TAP2: variants seen among roughly 807,000 people sequenced by gnomAD.
TAP2 encodes transporter 2, ATP binding cassette subfamily B member, also known as antigen peptide transporter 2.
In TAP2, 49 loss-of-function variants were observed where a neutral mutation model predicts 74.7. That is an observed-to-expected ratio of 0.66 (90% confidence interval 0.52 to 0.83). TAP2 has a LOEUF of 0.83. Ranked by LOEUF, TAP2 falls within the 40% of genes least tolerant of loss-of-function variation. The probability of loss-of-function intolerance (pLI) is 0.00; values close to 1 mark genes in which losing one functional copy is unlikely to be tolerated. For missense variants in TAP2, 739 were observed against 859.0 expected (o/e 0.86, Z 1.75); for synonymous variants, 306 against 368.4 (o/e 0.83, Z 1.94).
chr6:32,823,086 A>C (rs763512932), downstream of TAP2, among the ~76,000 whole-genome samples: 1 of 151,750 alleles, frequency 6.6e-6, no homozygotes, highest in Non-Finnish European at 1.5e-5. Context: ...CACCCAGCTA[A>C]TTTTTGTATT....
In TAP2 at chr6:32,825,697, A is replaced by G. The variant is rs1446050394; in HGVS notation, c.*3209T>C. On this transcript the variant is annotated 3_prime_UTR_variant, in exon 12 of 12. Transcript: ENST00000374897. ...CCACATTCATATATTGCTTATTTAA[A>G]TAAATAAATAATATATTTTAAAAAG... 1 of 151,310 alleles carries G rather than the reference A, an allele frequency of 6.6e-6. No homozygotes were observed. Among genetic ancestry groups the G allele is most frequent in the African/African-American group, 2.5e-5 (1 of 40,692 alleles). The allele number at this position is 151,310 out of a possible 1,614,324, so 9.4% of individuals were successfully genotyped here.
chr6:32,828,679 C>CCCCCCCCCCCCCCCCCCCACCA lies in TAP2; in HGVS notation c.*226_*227insTGGTGGGGGGGGGGGGGGGGGG. 2.1e-6 allele frequency: 2 copies of CCCCCCCCCCCCCCCCCCCACCA among 948,134 alleles called. No homozygotes were observed. The highest frequency in any genetic ancestry group is 2.5e-6 in the Non-Finnish European group (2 of 788,686). 58.7% of individuals were successfully genotyped at this position (948,134 alleles called of 1,614,324 possible). A position where few individuals can be genotyped will look rare whatever the true frequency, so the allele number is the denominator to read the frequency against. ...TAAGTTTCCTGGACACAGACAGCCC[C>CCCCCCCCCCCCCCCCCCCACCA]CACCCCACCCCACCCCACCTCTCTA... On this transcript the variant is annotated 3_prime_UTR_variant, in exon 12 of 12. Coordinates refer to ENST00000374897, the MANE Select transcript of TAP2 (RefSeq NM_001290043.2).
At chr6:32,834,861 T>C in intron 5 of TAP2, among the ~76,000 whole-genome samples, 1 of 152,202 alleles carries the variant, frequency 6.6e-6, no homozygotes, top group East Asian at 1.9e-4. Flanking sequence ...TTTGAGAAGC[T>C]AATGAAAAGT....
At chr6:32,821,957 G>C (rs1435373058), downstream of TAP2, 1 of 280,392 alleles carries the variant, frequency 3.6e-6, no homozygotes, top group Non-Finnish European at 6.7e-6. Context: ...AACATGAGGG[G>C]AAGGGGCTGG....
rs1309375315 is a variant in TAP2 at position 32,832,954 on chromosome 6, CTCT to C, written c.946-133_946-131del. Reference sequence around the variant, plus strand: ...AAACTGTTTCTCTCCCTCTTCCTTACTCTTCTTTCCAGAAGGAATAAGAGTGAA... The same window carrying C: ...AAACTGTTTCTCTCCCTCTTCCTTACTCTTTCCAGAAGGAATAAGAGTGAA... On this transcript the variant is annotated intron_variant, in intron 5 of 11. Coordinates refer to ENST00000374897, the MANE Select transcript of TAP2 (RefSeq NM_001290043.2). The surrounding 1 kb of genome is among the most constrained non-coding windows in gnomAD (Gnocchi z 5.9). 1 of 1,023,312 alleles carries C rather than the reference CTCT, an allele frequency of 9.8e-7. No individual in the cohort carries two copies. Among genetic ancestry groups the C allele is most frequent in the Non-Finnish European group, 1.5e-6 (1 of 680,576 alleles). The allele number at this position is 1,023,312 out of a possible 1,614,324, so 63.4% of individuals were successfully genotyped here.
chr6:32,827,116 G>A lies in TAP2; in HGVS notation c.*1790C>T. 1.0e-6 allele frequency: 1 copy of A among 985,730 alleles called. No homozygotes were observed. The highest frequency in any genetic ancestry group is 1.2e-6 in the Non-Finnish European group (1 of 829,940). 61.1% of individuals were successfully genotyped at this position (985,730 alleles called of 1,614,324 possible). A position where few individuals can be genotyped will look rare whatever the true frequency, so the allele number is the denominator to read the frequency against. Reference sequence around the variant, plus strand: ...GCACCCTGCTCCCAACAGCTGCCAGGCAAGAAAAAATCCAAAACAGCAGTT... The same window carrying A: ...GCACCCTGCTCCCAACAGCTGCCAGACAAGAAAAAATCCAAAACAGCAGTT... On this transcript the variant is annotated 3_prime_UTR_variant, in exon 12 of 12. Transcript: ENST00000374897.
downstream of TAP2, among the ~76,000 whole-genome samples, chr6:32,822,825 C>G (rs1768377794): frequency 6.6e-6 from 1 of 151,992 alleles, no homozygotes; most frequent in Non-Finnish European, 1.5e-5. Flanking sequence ...GCCACTGCAC[C>G]CGGCCTCTAT....
rs1769316570 is a variant in TAP2 at position 32,835,014 on chromosome 6, T to C, written c.945+140A>G. On this transcript the variant is annotated intron_variant, in intron 5 of 11. Coordinates refer to ENST00000374897, the MANE Select transcript of TAP2 (RefSeq NM_001290043.2). The surrounding 1 kb of genome is among the most constrained non-coding windows in gnomAD (Gnocchi z 4.0). The stretch of plus-strand genomic sequence containing the variant: ...GGATGGCTGGACAAACAAAATGTAG[T>C]ATATACTACAATATACCTTCTCCCC... 3 of 857,884 alleles carry C rather than the reference T, an allele frequency of 3.5e-6. No individual in the cohort carries two copies. Among genetic ancestry groups the C allele is most frequent in the Non-Finnish European group, 5.7e-6 (3 of 523,808 alleles). The allele number at this position is 857,884 out of a possible 1,614,324, so 53.1% of individuals were successfully genotyped here.
downstream of TAP2, among the ~76,000 whole-genome samples, chr6:32,823,205 T>C (rs57654360): frequency 0.1 from 15,581 of 152,100 alleles, 1,216 homozygotes; most frequent in African/African-American, 0.22. Flanking sequence ...CAGGCATGAA[T>C]CACCAGGCCC....
At chr6:32,838,271 G>A in intron 1 of TAP2, 34 bp from the exon 2 acceptor site, 1 of 1,526,668 alleles carries the variant, frequency 6.6e-7, no homozygotes, top group Non-Finnish European at 8.7e-7. Flanking sequence ...AATCATGGGG[G>A]TGGAGTCCCA....
At chr6:32,836,900 C>T (rs149029273) in intron 3 of TAP2, among the ~76,000 whole-genome samples, 237 of 152,266 alleles carry the variant, frequency 1.6e-3, no homozygotes, top group African/African-American at 5.0e-3. Flanking sequence ...ACAATCAGGC[C>T]GGCTGGGATT....
rs926467842 is a variant in TAP2 at position 32,832,975 on chromosome 6, A to C, written c.946-151T>G. The C allele has an allele frequency of 3.2e-5, 29 of 905,178 alleles. 1 individual carries two copies. The highest frequency in any genetic ancestry group is 3.3e-4 in the Middle Eastern group (1 of 3,056). 56.1% of individuals were successfully genotyped at this position (905,178 alleles called of 1,614,324 possible). On this transcript the variant is annotated intron_variant, in intron 5 of 11. Coordinates refer to ENST00000374897, the MANE Select transcript of TAP2 (RefSeq NM_001290043.2). This position sits in a 1 kb window ranked among gnomAD's most constrained non-coding sequence, Gnocchi z 5.9. ...CTTACTCTTCTTTCCAGAAGGAATA[A>C]GAGTGAAGGAGCAAGGGAACAAAAT...
chr6:32,823,429 ATTTTTTTTT>A (rs9280195), downstream of TAP2, among the ~76,000 whole-genome samples: 3 of 64,570 alleles, frequency 4.6e-5, no homozygotes, highest in Non-Finnish European at 8.2e-5. Context: ...GTCACACTCA[ATTTTTTTTT>A]TTTTTTTTTT....
chr6:32,828,564 G>C lies in TAP2; in HGVS notation c.*342C>G. The C allele has an allele frequency of 9.9e-7, 1 of 1,011,170 alleles. No homozygotes were observed. Among genetic ancestry groups the C allele is most frequent in the Non-Finnish European group, 1.2e-6 (1 of 842,794 alleles). The allele number at this position is 1,011,170 out of a possible 1,614,324, so 62.6% of individuals were successfully genotyped here. A position where few individuals can be genotyped will look rare whatever the true frequency, so the allele number is the denominator to read the frequency against. The stretch of plus-strand genomic sequence containing the variant: ...TAAATTTTCTATATGAATGTATACA[G>C]TTCATGTAAGAAGGAAAATATTTTA... On this transcript the variant is annotated 3_prime_UTR_variant, in exon 12 of 12. Coordinates refer to ENST00000374897, the MANE Select transcript of TAP2 (RefSeq NM_001290043.2).
rs759115387 is a variant in TAP2, at chr6:32,832,743, G to T, written c.1027C>A (p.Arg343Ser). Residue 343 changes from arginine to serine, a missense_variant, in exon 6 of 12, where the codon CGC becomes AGC. Coordinates refer to ENST00000374897, the MANE Select transcript of TAP2 (RefSeq NM_001290043.2). This position sits in a 1 kb window ranked among gnomAD's most constrained non-coding sequence, Gnocchi z 5.9. ...REAVGGLQTV[R>S]SFGAEEHEVC... ...TCATGCTCCTCGGCCCCAAAACTGC[G>T]AACGGTCTGCAGCCCTCCAACGGCT... The T allele has an allele frequency of 3.1e-6, 5 of 1,613,060 alleles. No individual in the cohort carries two copies. Among genetic ancestry groups the T allele is most frequent in the Non-Finnish European group, 4.2e-6 (5 of 1,180,030 alleles).
In TAP2 at chr6:32,829,465, G is replaced by A. The variant is rs771932254; in HGVS notation, c.1867C>T (p.Arg623Ter). Residue 623 changes from arginine (R) to a stop codon, truncating the protein, a stop_gained, in exon 11 of 12, where the codon CGA (arginine) becomes TGA (stop). Coordinates refer to ENST00000374897, the MANE Select transcript of TAP2 (RefSeq NM_001290043.2). LOFTEE classifies it high-confidence loss of function. Reference protein sequence around the residue: ...QRLAIARALVRDPRVLILDEA... With the variant: ...QRLAIARALV The stretch of plus-strand genomic sequence containing the variant: ...TCCAGGATGAGGACCCGCGGGTCTC[G>A]TACAAGGGCCCGGGCAATGGCCAGA... The A allele has an allele frequency of 7.4e-6, 12 of 1,613,866 alleles. No individual in the cohort carries two copies. Among genetic ancestry groups the A allele is most frequent in the South Asian group, 3.3e-5 (3 of 90,968 alleles).
chr6:32,827,120 G>A lies in TAP2; in HGVS notation c.*1786C>T, dbSNP rs1768702415. On this transcript the variant is annotated 3_prime_UTR_variant, in exon 12 of 12. Coordinates refer to ENST00000374897, the MANE Select transcript of TAP2 (RefSeq NM_001290043.2). ...CCTGCTCCCAACAGCTGCCAGGCAA[G>A]AAAAAATCCAAAACAGCAGTTCTGG... is the stretch of plus-strand genomic sequence containing the variant. 1 of 985,752 alleles carries A rather than the reference G, an allele frequency of 1.0e-6. No individual in the cohort carries two copies. The highest frequency in any genetic ancestry group is 1.2e-6 in the Non-Finnish European group (1 of 829,934). 61.1% of individuals were successfully genotyped at this position (985,752 alleles called of 1,614,324 possible). A position where few individuals can be genotyped will look rare whatever the true frequency, so the allele number is the denominator to read the frequency against.
At position 32,832,013 on chromosome 6, in the gene TAP2, C is replaced by T. The variant is rs1769111639; in HGVS notation, c.1272+320G>A. ...GATGTTTGTATTTTTAAGAAACATA[C>T]TGAAATATTTACAGATGAAAGTATA... On this transcript the variant is annotated intron_variant, in intron 7 of 11. Coordinates refer to ENST00000374897, the MANE Select transcript of TAP2 (RefSeq NM_001290043.2). This position sits in a 1 kb window ranked among gnomAD's most constrained non-coding sequence, Gnocchi z 5.9. Among the ~76,000 whole-genome samples the T allele has an allele frequency of 6.6e-6, 1 of 152,020 alleles. No individual in the cohort carries two copies. The highest frequency in any genetic ancestry group is 2.1e-4 in the South Asian group (1 of 4,822).
Position 32,835,360 on chromosome 6 carries a change from C to T in TAP2, c.740-1G>A. On this transcript the variant is annotated splice_acceptor_variant, in intron 4 of 11. Transcript: ENST00000374897. LOFTEE classifies it high-confidence loss of function. The surrounding 1 kb of genome is among the most constrained non-coding windows in gnomAD (Gnocchi z 4.0). ...GAGCTCAGCCGTGAGTTCAGCTCCC[C>T]TAAGAAGGACAGAGCAGGTGAGGAA... 1 of 1,613,090 alleles carries T rather than the reference C, an allele frequency of 6.2e-7. No homozygotes were observed. Among genetic ancestry groups the T allele is most frequent in the Non-Finnish European group, 8.5e-7 (1 of 1,180,032 alleles).
Sources: allele counts gnomAD v4.1 joint callset (sites outside exome capture counted in the v4.1 genomes callset), GRCh38; gene constraint gnomAD v4.1.1; non-coding constraint Gnocchi (gnomAD v3.1); transcripts MANE v1.5; gene names NCBI Gene and HGNC (gene_info 2026-07-23, HGNC 2026-07-21).